HINT2: variants seen among roughly 807,000 people sequenced by gnomAD.
HINT2 encodes the protein histidine triad nucleotide binding protein 2.
HINT2 carries 17 observed loss-of-function variants against 20.0 expected under a neutral mutation model. The observed-to-expected ratio is 0.85, with a 90% CI of 0.58 to 1.27. The LOEUF (loss-of-function observed/expected upper bound fraction) is 1.27. Ranked by LOEUF, HINT2 falls within the 50% of genes most tolerant of loss-of-function variation. The pLI, the probability that HINT2 is intolerant of heterozygous loss-of-function variation, is 0.00. For missense variants in HINT2, 217 were observed against 211.9 expected (o/e 1.02, Z -0.15); for synonymous variants, 96 against 84.2 (o/e 1.14, Z -0.77).
chr9:35,813,097 A>C lies in HINT2; in HGVS notation c.449T>G (p.Ile150Ser), dbSNP rs1255747207. The C allele has an allele frequency of 6.2e-7, 1 of 1,614,224 alleles. No homozygotes were observed. The highest frequency in any genetic ancestry group is 1.1e-5 in the South Asian group (1 of 91,088). Residue 150 changes from isoleucine to serine, a missense_variant, in exon 5 of 5, where the codon ATT becomes AGT. Coordinates refer to ENST00000259667, the MANE Select transcript of HINT2 (RefSeq NM_032593.3). Reference protein sequence around the residue: ...LGAQSVYHLHIHVLGGRQLQW... With the variant: ...LGAQSVYHLHSHVLGGRQLQW... The stretch of plus-strand genomic sequence containing the variant: ...GAGCTGCCGGCCCCCAAGTACATGA[A>C]TGTGCAGATGATACACAGATTGTGC...
chr9:35,812,990 G>A lies in HINT2; in HGVS notation c.*64C>T. ...GGAGAACAGTTTTATTAGCATCACA[G>A]GGTCCATTTTTCCCTTTCCATCCAA... On this transcript the variant is annotated 3_prime_UTR_variant, in exon 5 of 5. Transcript: ENST00000259667. 8.3e-7 allele frequency: 1 copy of A among 1,205,070 alleles called. No individual in the cohort carries two copies. The highest frequency in any genetic ancestry group is 1.2e-6 in the Non-Finnish European group (1 of 806,666). 74.6% of individuals were successfully genotyped at this position (1,205,070 alleles called of 1,614,324 possible).
intron 1 of HINT2, chr9:35,814,529 T>G (rs1828964131): frequency 4.7e-6 from 1 of 213,548 alleles, no homozygotes. Context: ...AGAAGAGAGG[T>G]TAACACTAGT....
rs1564001120 is a variant in HINT2, at chr9:35,813,029, GGTGTC to G, written c.*20_*24del. 1 of 1,573,234 alleles carries G rather than the reference GGTGTC, an allele frequency of 6.4e-7. No individual in the cohort carries two copies. The highest frequency in any genetic ancestry group is 8.8e-7 in the Non-Finnish European group (1 of 1,142,716). ...CTTTCCATCCAAGCATCCAGAGTCT[GGTGTC>G]CTTTAATCAGTTGGCAGGTTCAACC... On this transcript the variant is annotated 3_prime_UTR_variant, in exon 5 of 5. Transcript: ENST00000259667.
At position 35,813,487 on chromosome 9, in the gene HINT2, C is replaced by T; in HGVS notation, c.285G>A (p.Lys95=). ...APVHFLVIPK[K]PIPRISQAEE... Reference sequence around the variant, plus strand: ...CAGCCTGGCTAATCCGAGGAATGGGCTTCTTAGGAATGACCAGGAAGTGCA... The same window carrying T: ...CAGCCTGGCTAATCCGAGGAATGGGTTTCTTAGGAATGACCAGGAAGTGCA... Residue 95 remains lysine, a synonymous_variant, in exon 3 of 5, where the codon AAG becomes AAA. Transcript: ENST00000259667. 2.5e-6 allele frequency: 4 copies of T among 1,614,210 alleles called. No individual in the cohort carries two copies. The highest frequency in any genetic ancestry group is 4.5e-5 in the East Asian group (2 of 44,890).
chr9:35,813,104 G>C lies in HINT2; in HGVS notation c.442C>G (p.Leu148Val), dbSNP rs1306502284. The C allele has an allele frequency of 2.5e-6, 4 of 1,614,230 alleles. No homozygotes were observed. Among genetic ancestry groups the C allele is most frequent in the Non-Finnish European group, 3.4e-6 (4 of 1,180,038 alleles). The change falls in exon 5 of 5, where the codon CTG becomes GTG. Residue 148 changes from leucine (L) to valine (V), a missense_variant. Transcript: ENST00000259667. ...GKLGAQSVYHLHIHVLGGRQL... is the reference protein window; with the variant it reads ...GKLGAQSVYHVHIHVLGGRQL... Reference sequence around the variant, plus strand: ...CGGCCCCCAAGTACATGAATGTGCAGATGATACACAGATTGTGCACCCAGC... The same window carrying C: ...CGGCCCCCAAGTACATGAATGTGCACATGATACACAGATTGTGCACCCAGC...
chr9:35,815,228 C>T (rs750384187), upstream of HINT2: 14 of 442,670 alleles, frequency 3.2e-5, no homozygotes, highest in Non-Finnish European at 4.8e-5. Context: ...GTTTCGTCTT[C>T]TAGTCCGTGT....
At chr9:35,815,355 A>C, upstream of HINT2, 1 of 187,524 alleles carries the variant, frequency 5.3e-6, no homozygotes, top group Non-Finnish European at 1.1e-5. Flanking sequence ...AATCTGATAC[A>C]CAACTCTGGC....
intron 1 of HINT2, 76 bp from the exon 2 acceptor site, chr9:35,813,860 C>T: frequency 6.7e-7 from 1 of 1,483,016 alleles, no homozygotes; most frequent in South Asian, 1.3e-5. Context: ...TTTCGTCCTT[C>T]TAATAACCTA....
chr9:35,814,854 T>C, intron 1 of HINT2, 45 bp downstream of exon 1: 1 of 1,453,706 alleles, frequency 6.9e-7, no homozygotes, highest in South Asian at 1.3e-5. Flanking sequence ...CCGGATGGCT[T>C]CGGAGCCCGC....
intron 1 of HINT2, 167 bp downstream of exon 1, chr9:35,814,732 C>T (rs1828972164): frequency 1.7e-6 from 1 of 591,996 alleles, no homozygotes; most frequent in Non-Finnish European, 2.7e-6. Flanking sequence ...GCTCGTTCTC[C>T]GGAGCCACCA....
In HINT2 at chr9:35,813,797, C is replaced by T. The variant is rs368191656; in HGVS notation, c.82-13G>A. On this transcript the variant is annotated splice_polypyrimidine_tract_variant and intron_variant, in intron 1 of 4. Coordinates refer to ENST00000259667, the MANE Select transcript of HINT2 (RefSeq NM_032593.3). ...CAGCTCCTCGGACCTGAAGGTGGAT[C>T]GACCATATTCAAAGGAGGGAGCTGG... is the stretch of plus-strand genomic sequence containing the variant. 1.6e-5 allele frequency: 25 copies of T among 1,604,146 alleles called. No individual in the cohort carries two copies. In the African/African-American group the frequency reaches 3.1e-4, roughly 20 times the overall value.
In HINT2 at chr9:35,814,694, G is replaced by T. The variant is rs1828969363; in HGVS notation, c.81+205C>A. 3 of 521,546 alleles carry T rather than the reference G, an allele frequency of 5.8e-6. No individual in the cohort carries two copies. In the South Asian group the frequency reaches 8.2e-5, roughly 14 times the overall value. 32.3% of individuals were successfully genotyped at this position (521,546 alleles called of 1,614,324 possible). ...GACCCTGTCCCGACCTCGGCGCCCC[G>T]GCCTGCGCAGGGCGGGAATCAGCAC... is the stretch of plus-strand genomic sequence containing the variant. On this transcript the variant is annotated intron_variant, in intron 1 of 4. Transcript: ENST00000259667.
Position 35,813,056 on chromosome 9 carries a change from A to C in HINT2, c.490T>G (p.Ter164GlyextTer23). Residue 164 changes from the stop codon to glycine, a stop_lost, in exon 5 of 5, where the codon TGA becomes GGA. Transcript: ENST00000259667. ...GGRQLQWPPG* is the reference protein window; with the variant it reads ...GGRQLQWPPGG ...TGTCCTTTAATCAGTTGGCAGGTTC[A>C]ACCTGGAGGCCACTGGAGCTGCCGG... 1 of 1,613,774 alleles carries C rather than the reference A, an allele frequency of 6.2e-7. No homozygotes were observed. Among genetic ancestry groups the C allele is most frequent in the Non-Finnish European group, 8.5e-7 (1 of 1,179,636 alleles).
rs1756488614 is a variant in HINT2, at chr9:35,813,674, G to A, written c.192C>T (p.Leu64=). 3.1e-6 allele frequency: 5 copies of A among 1,614,084 alleles called. No individual in the cohort carries two copies. Among genetic ancestry groups the A allele is most frequent in the Non-Finnish European group, 4.2e-6 (5 of 1,180,050 alleles). Residue 64 remains leucine, a synonymous_variant, in exon 2 of 5, where the codon CTC becomes CTT. Transcript: ENST00000259667. The stretch of plus-strand genomic sequence containing the variant: ...GGTCCTCATAGAGAATGTCAGCTGG[G>A]AGGCTCTTGTCCAGGATCCGGGAGA... ...TIFSRILDKS[L]PADILYEDQQ...
chr9:35,815,342 T>A (rs572190267), upstream of HINT2: 16 of 199,094 alleles, frequency 8.0e-5, no homozygotes, highest in South Asian at 2.3e-3. Context: ...TTTCTCCTAG[T>A]TGAATCTGAT....
At chr9:35,814,808 C>T (rs1828977256) in intron 1 of HINT2, 91 bp downstream of exon 1, 1 of 1,152,162 alleles carries the variant, frequency 8.7e-7, no homozygotes, top group Non-Finnish European at 1.2e-6. Flanking sequence ...GGCAGGAGCT[C>T]TGCGCGGCTC....
intron 1 of HINT2, chr9:35,814,675 G>A (rs2132127397): frequency 3.9e-6 from 2 of 507,090 alleles, no homozygotes; most frequent in South Asian, 2.8e-5. Context: ...CACTGACCCT[G>A]TCCCGACCTC....
At chr9:35,813,205 C>A in intron 4 of HINT2, 60 bp from the exon 5 acceptor site, 5 of 1,611,770 alleles carry the variant, frequency 3.1e-6, no homozygotes, top group Non-Finnish European at 3.4e-6. Flanking sequence ...GAATGAAGAT[C>A]ATATTGAGAA....
intron 1 of HINT2, chr9:35,814,429 G>A (rs1828961274): frequency 6.4e-6 from 1 of 156,570 alleles, no homozygotes; most frequent in African/African-American, 2.4e-5. Context: ...TCGGGTAAGG[G>A]ATTCAGAGAA....
Sources: gnomAD v4.1 joint callset for allele counts on GRCh38, gnomAD v4.1.1 for gene constraint, MANE v1.5 for transcripts, NCBI Gene and HGNC (gene_info 2026-07-23, HGNC 2026-07-21) for gene names.